GMDS: variants seen among roughly 807,000 people sequenced by gnomAD.
GMDS encodes GDP-mannose 4,6-dehydratase.
Under a neutral mutation model 49.9 loss-of-function variants are expected in GMDS, and 20 were observed. The ratio of observed to expected loss-of-function variants is 0.40; its 90% CI spans 0.28 to 0.58. The LOEUF (loss-of-function observed/expected upper bound fraction) is 0.58. Ranked by LOEUF, GMDS falls within the 20% of genes least tolerant of loss-of-function variation. The pLI, the probability that GMDS is intolerant of heterozygous loss-of-function variation, is 0.42. For missense variants in GMDS, 362 were observed against 481.4 expected (o/e 0.75, Z 2.32); for synonymous variants, 177 against 178.6 (o/e 0.99, Z 0.07).
intron 4 of GMDS, among the ~76,000 whole-genome samples, chr6:2,058,049 G>A (rs1051804631): frequency 6.6e-6 from 1 of 152,022 alleles, no homozygotes; most frequent in African/African-American, 2.4e-5. Context: ...CTCACATCAA[G>A]TGTTTCAATG....
rs542462846 is a variant in GMDS, at chr6:1,691,583, C to T, written c.987+34833G>A. ...CCTATACCAGTCTTGGTTCAAAATA[C>T]GTCTTAAGTGTCCCTTTGGGAACTG... On this transcript the variant is annotated intron_variant, in intron 9 of 10. Transcript: ENST00000380815. Among the ~76,000 whole-genome samples, 58 of 152,260 alleles carry T rather than the reference C, an allele frequency of 3.8e-4. 1 individual carries two copies. The highest frequency in any genetic ancestry group is 6.8e-3 in the Middle Eastern group (2 of 294).
At chr6:1,750,737 T>C (rs57120966) in intron 7 of GMDS, among the ~76,000 whole-genome samples, 4,901 of 151,986 alleles carry the variant, frequency 0.032, 262 homozygotes, top group African/African-American at 0.11. Flanking sequence ...TTCACTCCCC[T>C]GGAAAGAGGG....
intron 1 of GMDS, among the ~76,000 whole-genome samples, chr6:2,243,185 G>A (rs573945946): frequency 1.3e-5 from 2 of 152,340 alleles, no homozygotes; most frequent in African/African-American, 4.8e-5. Flanking sequence ...GAAATGAAAT[G>A]AGGAACCAAA....
At chr6:1,961,063 A>T in intron 4 of GMDS, 97 bp from the exon 5 acceptor site, 1 of 569,910 alleles carries the variant, frequency 1.8e-6, no homozygotes, top group East Asian at 2.8e-5. Context: ...ACACTGTGAA[A>T]TGTTGGTGAG....
chr6:1,744,370 C>T (rs1205647798), intron 7 of GMDS, among the ~76,000 whole-genome samples: 1 of 152,160 alleles, frequency 6.6e-6, no homozygotes, highest in Non-Finnish European at 1.5e-5. Context: ...TATTTGTTCA[C>T]ATTAATGGAA....
intron 9 of GMDS, among the ~76,000 whole-genome samples, chr6:1,673,682 C>T (rs549382082): frequency 6.6e-6 from 1 of 152,166 alleles, no homozygotes; most frequent in East Asian, 1.9e-4. Context: ...CACAAAAGCC[C>T]CCTGTGCTCT....
intron 7 of GMDS, among the ~76,000 whole-genome samples, chr6:1,743,834 G>A (rs1297034166): frequency 9.6e-6 from 1 of 104,664 alleles, no homozygotes. Flanking sequence ...AAAGGTTGAA[G>A]CAAAACAAAA....
chr6:2,167,926 GT>G (rs1777750448), intron 1 of GMDS, among the ~76,000 whole-genome samples: 1 of 152,214 alleles, frequency 6.6e-6, no homozygotes, highest in Non-Finnish European at 1.5e-5. Context: ...CAGTCAATAA[GT>G]ACTGCTTAAA....
chr6:2,067,253 G>A (rs1462870417), intron 4 of GMDS, among the ~76,000 whole-genome samples: 8 of 152,090 alleles, frequency 5.3e-5, no homozygotes, highest in Non-Finnish European at 7.4e-5. Flanking sequence ...TCTCTGGGAC[G>A]CATGCAAAGC....
At chr6:2,233,977 C>T (rs1222944570) in intron 1 of GMDS, among the ~76,000 whole-genome samples, 1 of 152,212 alleles carries the variant, frequency 6.6e-6, no homozygotes, top group African/African-American at 2.4e-5. Context: ...GAAGTATGAA[C>T]TCCAGATGTC....
Position 1,647,634 on chromosome 6 carries a change from G to T in GMDS, c.988-23094C>A, listed in dbSNP as rs570067867. 4.1e-4 allele frequency among the ~76,000 whole-genome samples: 63 copies of T among 152,318 alleles called. No homozygotes were observed. The East Asian group carries it at 0.011, about 26-fold the overall frequency. On this transcript the variant is annotated intron_variant, in intron 9 of 10. Coordinates refer to ENST00000380815, the MANE Select transcript of GMDS (RefSeq NM_001500.4). The stretch of plus-strand genomic sequence containing the variant: ...TATGCCAGTAACTGCCATGTAGTGT[G>T]ACAAGACACTGACTTAGTTCCTGGG...
At chr6:1,671,666 C>CTTT (rs35355483) in intron 9 of GMDS, among the ~76,000 whole-genome samples, 22 of 132,812 alleles carry the variant, frequency 1.7e-4, no homozygotes, top group Non-Finnish European at 3.3e-4. Flanking sequence ...CTTTTAATTA[C>CTTT]TTTTTTTTTT....
At chr6:1,832,171 G>T (rs1213831013) in intron 7 of GMDS, among the ~76,000 whole-genome samples, 1 of 150,962 alleles carries the variant, frequency 6.6e-6, no homozygotes, top group Non-Finnish European at 1.5e-5. Flanking sequence ...GGCTGGTCTC[G>T]AAGTTGTTCA....
chr6:2,016,096 A>AAC (rs1192023541), intron 4 of GMDS, among the ~76,000 whole-genome samples: 1 of 150,260 alleles, frequency 6.7e-6, no homozygotes, highest in Non-Finnish European at 1.5e-5. Context: ...TTAAAAAAAA[A>AAC]AAAAACAGAA....
intron 4 of GMDS, among the ~76,000 whole-genome samples, chr6:2,046,776 C>T (rs1770044762): frequency 6.6e-6 from 1 of 152,136 alleles, no homozygotes. Context: ...CATCCATGTT[C>T]CCTGGCTAAA....
At chr6:1,700,628 T>C (rs1314750575) in intron 9 of GMDS, among the ~76,000 whole-genome samples, 1 of 152,188 alleles carries the variant, frequency 6.6e-6, no homozygotes, top group Non-Finnish European at 1.5e-5. Flanking sequence ...GGCCTGAATA[T>C]TGGGACACTG....
chr6:1,880,428 G>A (rs1759309320), intron 7 of GMDS, among the ~76,000 whole-genome samples: 1 of 152,034 alleles, frequency 6.6e-6, no homozygotes, highest in Non-Finnish European at 1.5e-5. Flanking sequence ...CTGAACTCCA[G>A]CCTGGGTGAC....
At chr6:2,119,558 G>C (rs545841786) in intron 2 of GMDS, among the ~76,000 whole-genome samples, 1 of 152,290 alleles carries the variant, frequency 6.6e-6, no homozygotes, top group East Asian at 1.9e-4. Flanking sequence ...CAAACTTCAA[G>C]ACAAGCCAAA....
chr6:1,722,266 T>A (rs368367251), intron 9 of GMDS, among the ~76,000 whole-genome samples: 1 of 37,594 alleles, frequency 2.7e-5, no homozygotes, highest in Non-Finnish European at 5.7e-5. Context: ...TAGTAGTATT[T>A]TTAGTAGAGA....
Sources: gnomAD v4.1 joint callset for allele counts (sites outside exome capture counted in the v4.1 genomes callset) on GRCh38, gnomAD v4.1.1 for gene constraint, MANE v1.5 for transcripts, NCBI Gene and HGNC (gene_info 2026-07-23, HGNC 2026-07-21) for gene names.